Variants in FERMT2 observed in about 807,000 individuals in gnomAD.
FERMT2 encodes FERM domain containing kindlin 2, also known as fermitin family homolog 2.
FERMT2 carries 15 observed loss-of-function variants against 82.7 expected under a neutral mutation model. The ratio of observed to expected loss-of-function variants is 0.18; its 90% CI spans 0.12 to 0.28. The LOEUF (loss-of-function observed/expected upper bound fraction) is 0.28. Among genes scored for constraint, FERMT2 ranks in the 10% least tolerant of loss-of-function variants. The pLI is 1.00. For missense variants in FERMT2, 645 were observed against 809.4 expected, an observed-to-expected ratio of 0.80 and a Z score of 2.46; for synonymous variants, 274 against 271.5, an observed-to-expected ratio of 1.01 and a Z score of -0.09.
Position 52,934,011 on chromosome 14 carries a change from C to T in FERMT2, c.158-14655G>A, listed in dbSNP as rs1024733280. 4.6e-5 allele frequency among the ~76,000 whole-genome samples: 7 copies of T among 152,246 alleles called. No individual in the cohort carries two copies. The East Asian group carries it at 1.2e-3, about 25-fold the overall frequency. On this transcript the variant is annotated intron_variant, in intron 2 of 14. Coordinates refer to ENST00000341590, the MANE Select transcript of FERMT2 (RefSeq NM_006832.3). ...CCACCTCTGAATCTTCACTGACCCA[C>T]CTGTCAAAGCAGCAAAGTATACCTT...
In FERMT2 at chr14:52,875,212, A is replaced by G. The variant is rs555543054; in HGVS notation, c.1098+11T>C. 2 of 1,594,562 alleles carry G rather than the reference A, an allele frequency of 1.3e-6. No individual in the cohort carries two copies. Among genetic ancestry groups the G allele is most frequent in the Admixed American group, 3.7e-5 (2 of 54,376 alleles). ...GCTAAATTAGTAGGTAAAAAAAAAG[A>G]TTCACCCTACCAAAATTGTTGACGT... On this transcript the variant is annotated intron_variant, in intron 8 of 14. Coordinates refer to ENST00000341590, the MANE Select transcript of FERMT2 (RefSeq NM_006832.3).
At chr14:52,915,141 AATGT>A (rs1305849361) in intron 3 of FERMT2, among the ~76,000 whole-genome samples, 14 of 152,174 alleles carry the variant, frequency 9.2e-5, no homozygotes, top group African/African-American at 3.4e-4. Flanking sequence ...TTCTAGACAA[AATGT>A]GATTTAAGGG....
chr14:52,905,416 CT>C (rs1418965929), intron 3 of FERMT2, among the ~76,000 whole-genome samples: 4 of 152,152 alleles, frequency 2.6e-5, no homozygotes, highest in Admixed American at 2.6e-4. Flanking sequence ...GCATTTATTG[CT>C]TTGATTAAAA....
intron 3 of FERMT2, among the ~76,000 whole-genome samples, chr14:52,899,239 G>C (rs1372003905): frequency 6.6e-6 from 1 of 152,018 alleles, no homozygotes; most frequent in Non-Finnish European, 1.5e-5. Context: ...GGCTCTAGCG[G>C]CTTGTTTTAT....
At chr14:52,940,103 C>T (rs1890024083) in intron 2 of FERMT2, among the ~76,000 whole-genome samples, 1 of 152,122 alleles carries the variant, frequency 6.6e-6, no homozygotes, top group Non-Finnish European at 1.5e-5. Flanking sequence ...TGAGAAAAGA[C>T]TCCCTTCCGA....
chr14:52,938,362 T>C (rs951735231), intron 2 of FERMT2, among the ~76,000 whole-genome samples: 12 of 152,250 alleles, frequency 7.9e-5, no homozygotes, highest in Admixed American at 2.6e-4. Flanking sequence ...TTACATTTTA[T>C]TGAGCTCTTA....
At chr14:52,875,719 T>C (rs578070936) in intron 7 of FERMT2, among the ~76,000 whole-genome samples, 38 of 152,282 alleles carry the variant, frequency 2.5e-4, no homozygotes, top group Non-Finnish European at 4.6e-4. Flanking sequence ...TCAAGAAATA[T>C]TGAATGAACA....
At chr14:52,919,062 G>T in intron 3 of FERMT2, 61 bp downstream of exon 3, 1 of 1,158,238 alleles carries the variant, frequency 8.6e-7, no homozygotes, top group Non-Finnish European at 1.3e-6. Flanking sequence ...AGCTATGTCA[G>T]TCATCGGTCA....
intron 7 of FERMT2, among the ~76,000 whole-genome samples, chr14:52,878,079 T>C (rs1420069258): frequency 6.6e-6 from 1 of 152,188 alleles, no homozygotes; most frequent in Non-Finnish European, 1.5e-5. Flanking sequence ...ATGTTAGCTA[T>C]CTACTTAAGG....
At position 52,881,518 on chromosome 14, in the gene FERMT2, T is replaced by C. The variant is rs745652482; in HGVS notation, c.527-49A>G. Reference sequence around the variant, plus strand: ...GTAGTAAGTATGCAGTACAGCATCTTATTTTTCAATAATAACACATATTAT... The same window carrying C: ...GTAGTAAGTATGCAGTACAGCATCTCATTTTTCAATAATAACACATATTAT... On this transcript the variant is annotated intron_variant, in intron 4 of 14. Transcript: ENST00000341590. The C allele has an allele frequency of 2.1e-5, 26 of 1,263,970 alleles. No individual in the cohort carries two copies. In the South Asian group the frequency reaches 2.8e-4, roughly 14 times the overall value. 78.3% of individuals were successfully genotyped at this position (1,263,970 alleles called of 1,614,324 possible). A position where few individuals can be genotyped will look rare whatever the true frequency, so the allele number is the denominator to read the frequency against.
chr14:52,898,708 T>C (rs373022321), intron 3 of FERMT2, among the ~76,000 whole-genome samples: 3 of 143,360 alleles, frequency 2.1e-5, no homozygotes, highest in East Asian at 2.0e-4. Flanking sequence ...GCTTCAACAT[T>C]AAGTGGAGGC....
intron 14 of FERMT2, chr14:52,858,790 G>A: frequency 2.5e-6 from 1 of 406,658 alleles, no homozygotes; most frequent in Non-Finnish European, 4.4e-6. Flanking sequence ...GGAATGCAAG[G>A]GTTTTAGGTC....
intron 3 of FERMT2, 79 bp from the exon 4 acceptor site, chr14:52,893,506 A>G: frequency 2.7e-6 from 3 of 1,131,088 alleles, no homozygotes; most frequent in Non-Finnish European, 1.3e-6. Context: ...TTGTTTCAAG[A>G]TAAGAATGTG....
rs1361814321 is a variant in FERMT2, at chr14:52,857,491, T to A, written c.*886A>T. 1 of 152,630 alleles carries A rather than the reference T, an allele frequency of 6.6e-6. No homozygotes were observed. The highest frequency in any genetic ancestry group is 2.4e-5 in the African/African-American group (1 of 41,456). The allele number at this position is 152,630 out of a possible 1,614,324, so 9.5% of individuals were successfully genotyped here. A position where few individuals can be genotyped will look rare whatever the true frequency, so the allele number is the denominator to read the frequency against. On this transcript the variant is annotated 3_prime_UTR_variant, in exon 15 of 15. Coordinates refer to ENST00000341590, the MANE Select transcript of FERMT2 (RefSeq NM_006832.3). ...GAGTTAAGGACATTGTGGCAAATCATGATCATAATGAAGTCATTCTTAATT... is the reference window on the plus strand; with the variant it reads ...GAGTTAAGGACATTGTGGCAAATCAAGATCATAATGAAGTCATTCTTAATT...
chr14:52,918,879 A>T (rs564588508), intron 3 of FERMT2, among the ~76,000 whole-genome samples: 15 of 152,314 alleles, frequency 9.8e-5, no homozygotes, highest in African/African-American at 3.6e-4. Context: ...CTCTCCATAA[A>T]AATAAAGTAT....
intron 2 of FERMT2, among the ~76,000 whole-genome samples, chr14:52,940,041 C>CT (rs1160744130): frequency 6.6e-6 from 1 of 151,956 alleles, no homozygotes; most frequent in African/African-American, 2.4e-5. Context: ...TTTTAAATAC[C>CT]TAATGTATTT....
intron 2 of FERMT2, among the ~76,000 whole-genome samples, chr14:52,937,485 A>G (rs1019929599): frequency 6.6e-6 from 1 of 152,130 alleles, no homozygotes; most frequent in African/African-American, 2.4e-5. Flanking sequence ...TCTTTAAATA[A>G]GGCCAGTTAT....
At chr14:52,927,489 T>C (rs1380633291) in intron 2 of FERMT2, among the ~76,000 whole-genome samples, 1 of 147,232 alleles carries the variant, frequency 6.8e-6, no homozygotes, top group Non-Finnish European at 1.5e-5. Context: ...TTGGCCAGGC[T>C]CACGTCTGTA....
At chr14:52,905,346 C>A (rs1200697834) in intron 3 of FERMT2, among the ~76,000 whole-genome samples, 3 of 152,100 alleles carry the variant, frequency 2.0e-5, no homozygotes, top group African/African-American at 7.2e-5. Flanking sequence ...CAAGCAGGCA[C>A]TGGGGAGAAA....
Sources: allele counts gnomAD v4.1 joint callset (sites outside exome capture counted in the v4.1 genomes callset), GRCh38; gene constraint gnomAD v4.1.1; transcripts MANE v1.5; gene names NCBI Gene and HGNC (gene_info 2026-07-23, HGNC 2026-07-21).